TPRX1: variants seen among roughly 807,000 people sequenced by gnomAD.
The protein encoded by TPRX1 is tetrapeptide repeat homeobox 1.
In TPRX1, 2 loss-of-function variants were observed where a neutral mutation model predicts 8.1. The ratio of observed to expected loss-of-function variants is 0.25; its 90% CI spans 0.10 to 0.78. The LOEUF (loss-of-function observed/expected upper bound fraction) is 0.78. Ranked by LOEUF, TPRX1 falls within the 30% of genes least tolerant of loss-of-function variation. The pLI is 0.70. For missense variants in TPRX1, 517 were observed against 586.9 expected, an observed-to-expected ratio of 0.88 and a Z score of 1.23; for synonymous variants, 257 against 254.1, an observed-to-expected ratio of 1.01 and a Z score of -0.11.
chr19:47,811,266 A>G (rs564600398), intron 2 of TPRX1, among the ~76,000 whole-genome samples: 34 of 151,674 alleles, frequency 2.2e-4, no homozygotes, highest in African/African-American at 6.0e-4. Flanking sequence ...AGCCTCCCAC[A>G]GTGCTAAAAT....
intron 2 of TPRX1, among the ~76,000 whole-genome samples, chr19:47,815,163 T>TG (rs201060804): frequency 1.2e-5 from 1 of 86,298 alleles, no homozygotes; most frequent in Non-Finnish European, 2.1e-5. Flanking sequence ...TATATATATA[T>TG]TTTTTTTTTT....
intron 2 of TPRX1, among the ~76,000 whole-genome samples, chr19:47,808,101 C>CTTATT (rs1286950069): frequency 6.6e-6 from 1 of 151,418 alleles, no homozygotes; most frequent in Non-Finnish European, 1.5e-5. Flanking sequence ...GGGTAATTTT[C>CTTATT]TTATTTTATT....
chr19:47,809,631 C>T (rs562199531), intron 2 of TPRX1, among the ~76,000 whole-genome samples: 1 of 152,126 alleles, frequency 6.6e-6, no homozygotes, highest in Admixed American at 6.6e-5. Flanking sequence ...AAGTAATTAC[C>T]CAGAGATGAC....
At chr19:47,816,721 A>C (rs958076423) in intron 2 of TPRX1, among the ~76,000 whole-genome samples, 1 of 150,696 alleles carries the variant, frequency 6.6e-6, no homozygotes, top group Non-Finnish European at 1.5e-5. Context: ...TTTAGTAGAG[A>C]TGGGGTTTCA....
At chr19:47,812,027 C>T (rs946390043) in intron 2 of TPRX1, among the ~76,000 whole-genome samples, 20 of 151,634 alleles carry the variant, frequency 1.3e-4, no homozygotes, top group Admixed American at 3.3e-4. Context: ...CCACCACGCC[C>T]GGCTAATTTT....
At chr19:47,815,164 T>TGCAAATATATATATATATATATATA (rs1228376903) in intron 2 of TPRX1, among the ~76,000 whole-genome samples, 6 of 49,910 alleles carry the variant, frequency 1.2e-4, no homozygotes, top group Non-Finnish European at 2.5e-4. Context: ...ATATATATAT[T>TGCAAATATATATATATATATATATA]TTTTTTTTTT....
chr19:47,818,365 C>T (rs878866839), intron 2 of TPRX1: 2 of 255,872 alleles, frequency 7.8e-6, no homozygotes, highest in South Asian at 2.6e-5. Context: ...TCCATCCATC[C>T]ATCATCCATC....
chr19:47,802,378 G>T (rs1555799186), exon 4 of TPRX1: 2 of 1,303,806 alleles, frequency 1.5e-6, no homozygotes, highest in East Asian at 5.7e-5. Flanking sequence ...TTGGGCCTGA[G>T]ATTGGGCCTG....
At position 47,802,519 on chromosome 19, in the gene TPRX1, TGGGATCG is replaced by T; in HGVS notation, c.776_782del (p.Pro259GlnfsTer87). On this transcript the variant is annotated frameshift_variant, in exon 4 of 4. Coordinates refer to ENST00000535759, the Ensembl canonical transcript of TPRX1. LOFTEE classifies it low-confidence loss of function (END_TRUNC). ...CTGAGAATGGGCCTGAGATTGGGCC[TGGGATCG>T]GGGCTGGGCCTGAAATTGGGCCTGG... 1 of 1,546,844 alleles carries T rather than the reference TGGGATCG, an allele frequency of 6.5e-7. No homozygotes were observed.
Position 47,802,878 on chromosome 19 carries a change from G to A in TPRX1, c.424C>T (p.Pro142Ser), listed in dbSNP as rs1434347858. The change falls in exon 4 of 4, where the codon CCC (proline) becomes TCC (serine). Residue 142 changes from proline to serine, a missense_variant. Pro to Ser is a moderately conservative substitution (Grantham distance 74, BLOSUM62 -1). This residue lies in a region of TPRX1 where 506 missense variants were observed against 515.5 expected (regional missense o/e 0.98). Transcript: ENST00000535759. ...GAGGCAGAGGCTGCAGGGACTAGGG[G>A]CGCAGCGCGGGCTCCTCGGCCTCTC... The A allele has an allele frequency of 1.9e-6, 3 of 1,590,660 alleles. No individual in the cohort carries two copies. The Admixed American group carries it at 5.2e-5, about 28-fold the overall frequency.
intron 2 of TPRX1, among the ~76,000 whole-genome samples, chr19:47,808,761 G>C (rs1169830054): frequency 6.6e-6 from 1 of 152,010 alleles, no homozygotes; most frequent in Non-Finnish European, 1.5e-5. Flanking sequence ...TGGCCTCAAT[G>C]TTTTATTGTA....
At chr19:47,815,045 C>T (rs867489497) in intron 2 of TPRX1, among the ~76,000 whole-genome samples, 4 of 143,806 alleles carry the variant, frequency 2.8e-5, no homozygotes, top group South Asian at 4.4e-4. Flanking sequence ...GTGATCTGCC[C>T]GTCTTGGCCT....
At chr19:47,804,577 T>C (rs1401101901) in intron 2 of TPRX1, among the ~76,000 whole-genome samples, 26 bp from the exon 1 acceptor site, 4 of 152,238 alleles carry the variant, frequency 2.6e-5, no homozygotes, top group African/African-American at 9.6e-5. Context: ...AAGTGTGTAC[T>C]GACAAGGGCT....
intron 2 of TPRX1, among the ~76,000 whole-genome samples, chr19:47,813,382 A>G (rs1967802817): frequency 6.6e-6 from 1 of 151,998 alleles, no homozygotes; most frequent in Admixed American, 6.6e-5. Flanking sequence ...CCCAAAACAC[A>G]CAAAAAACAA....
chr19:47,806,147 G>T (rs1450202487), intron 2 of TPRX1, among the ~76,000 whole-genome samples: 2 of 152,032 alleles, frequency 1.3e-5, no homozygotes, highest in Admixed American at 6.6e-5. Context: ...GGTTGAACCC[G>T]GGAGGCGGAG....
At chr19:47,802,060 G>A in exon 4 of TPRX1, 3 of 1,603,992 alleles carry the variant, frequency 1.9e-6, no homozygotes, top group Non-Finnish European at 2.6e-6. Flanking sequence ...TTGGAGCTGG[G>A]ACTGAGCCTG....
At chr19:47,809,078 CT>C (rs1175775096) in intron 2 of TPRX1, among the ~76,000 whole-genome samples, 2 of 151,662 alleles carry the variant, frequency 1.3e-5, no homozygotes, top group African/African-American at 2.4e-5. Flanking sequence ...CTTTGTTGGG[CT>C]TTTTTTTCCC....
chr19:47,813,509 G>A (rs1014074659), intron 2 of TPRX1, among the ~76,000 whole-genome samples: 5 of 152,116 alleles, frequency 3.3e-5, no homozygotes, highest in Non-Finnish European at 5.9e-5. Context: ...TGACCGTGGC[G>A]GCGAGAGTCA....
At chr19:47,805,094 T>C (rs1967723493) in intron 2 of TPRX1, among the ~76,000 whole-genome samples, 1 of 152,214 alleles carries the variant, frequency 6.6e-6, no homozygotes. Flanking sequence ...AATTGCTCCC[T>C]AGGTGCCTAT....
Sources: allele counts gnomAD v4.1 joint callset (sites outside exome capture counted in the v4.1 genomes callset), GRCh38; gene constraint gnomAD v4.1.1; regional missense constraint gnomAD v4.1.1; transcripts MANE v1.5; gene names NCBI Gene and HGNC (gene_info 2026-07-23, HGNC 2026-07-21).